Variants in CLDN18 observed in about 807,000 individuals in gnomAD.
CLDN18 encodes claudin-18.
CLDN18 carries 20 observed loss-of-function variants against 25.0 expected under a neutral mutation model. The observed-to-expected ratio is 0.80, with a 90% CI of 0.56 to 1.16. The LOEUF (loss-of-function observed/expected upper bound fraction) is 1.16, where lower values mean the gene tolerates loss of function less well. Ranked by LOEUF, CLDN18 falls within the 50% of genes most tolerant of loss-of-function variation. The pLI, the probability that CLDN18 is intolerant of heterozygous loss-of-function variation, is 0.00. For missense variants in CLDN18, 297 were observed against 345.4 expected (o/e 0.86, Z 1.11); for synonymous variants, 125 against 135.6 (o/e 0.92, Z 0.54).
In CLDN18 at chr3:138,023,663, C is replaced by A; in HGVS notation, c.226C>A (p.Leu76Met). 1 of 1,613,642 alleles carries A rather than the reference C, an allele frequency of 6.2e-7. No homozygotes were observed. Among genetic ancestry groups the A allele is most frequent in the Non-Finnish European group, 8.5e-7 (1 of 1,179,748 alleles). Residue 76 changes from leucine to methionine, a missense_variant, in exon 2 of 5, where the codon CTG becomes ATG. Transcript: ENST00000183605. ...YFTILGLPAM[L>M]QAVRALMIVG... ...TCTTGCCCCTTGTCCCACAGCCATG[C>A]TGCAGGCAGTGCGAGCCCTGATGAT...
chr3:138,021,143 G>A (rs577812293), intron 1 of CLDN18, among the ~76,000 whole-genome samples: 1 of 152,216 alleles, frequency 6.6e-6, no homozygotes, highest in East Asian at 1.9e-4. Flanking sequence ...CTAAAAAGTA[G>A]CAACTGCCTA....
At chr3:138,001,801 T>G (rs910383086) in intron 1 of CLDN18, among the ~76,000 whole-genome samples, 1 of 152,230 alleles carries the variant, frequency 6.6e-6, no homozygotes, top group Non-Finnish European at 1.5e-5. Context: ...GTATACTTAC[T>G]TTAATGTTAT....
chr3:138,001,371 C>T (rs1162711612), intron 1 of CLDN18, among the ~76,000 whole-genome samples: 1 of 118,496 alleles, frequency 8.4e-6, no homozygotes, highest in African/African-American at 3.1e-5. Flanking sequence ...TGTCAATATC[C>T]CCCCATTCTT....
At chr3:138,028,656 AT>A (rs763648673) in intron 3 of CLDN18, among the ~76,000 whole-genome samples, 4 of 152,180 alleles carry the variant, frequency 2.6e-5, no homozygotes, top group Non-Finnish European at 5.9e-5. Flanking sequence ...ACGCACTGAC[AT>A]CCTAATAGTT....
intron 1 of CLDN18, among the ~76,000 whole-genome samples, chr3:138,020,664 G>C (rs979061137): frequency 3.9e-5 from 6 of 152,222 alleles, no homozygotes; most frequent in Non-Finnish European, 7.3e-5. Flanking sequence ...TCTCTCCCAG[G>C]ACTGCTGGAG....
chr3:137,999,899 A>G (rs1941997244), intron 1 of CLDN18, among the ~76,000 whole-genome samples: 1 of 152,230 alleles, frequency 6.6e-6, no homozygotes, highest in Admixed American at 6.5e-5. Context: ...CAGATAAGAG[A>G]GTAAGACAAT....
chr3:138,016,551 T>C (rs1360406202), intron 1 of CLDN18, among the ~76,000 whole-genome samples: 1 of 152,128 alleles, frequency 6.6e-6, no homozygotes, highest in Non-Finnish European at 1.5e-5. Context: ...GGCAAACTCA[T>C]GTCCCTGGCT....
At chr3:138,018,415 CA>C (rs1400144279) in intron 1 of CLDN18, among the ~76,000 whole-genome samples, 2 of 148,128 alleles carry the variant, frequency 1.4e-5, no homozygotes, top group Non-Finnish European at 3.0e-5. Context: ...CGGCTCACTG[CA>C]AGCTCCGCCT....
At chr3:138,009,209 C>A (rs1942101262), upstream of CLDN18, among the ~76,000 whole-genome samples, 1 of 152,154 alleles carries the variant, frequency 6.6e-6, no homozygotes, top group South Asian at 2.1e-4. Flanking sequence ...CCTACAAGGG[C>A]TTAGGAGTTT....
rs144975564 is a variant in CLDN18, at chr3:138,025,873, C to T, written c.503+1149C>T. 6.6e-4 allele frequency among the ~76,000 whole-genome samples: 101 copies of T among 152,300 alleles called. 1 individual carries two copies. Among genetic ancestry groups the T allele is most frequent in the African/African-American group, 2.1e-3 (89 of 41,554 alleles). On this transcript the variant is annotated intron_variant, in intron 3 of 4. Coordinates refer to ENST00000183605, the MANE Select transcript of CLDN18 (RefSeq NM_016369.4). ...GGTGCCTGGGGTCATTGCCCTTGCC[C>T]AGAGGAGCCATCTACCAGCCACTTT...
intron 1 of CLDN18, among the ~76,000 whole-genome samples, chr3:138,015,943 G>A (rs1397323387): frequency 1.3e-5 from 2 of 152,172 alleles, no homozygotes; most frequent in South Asian, 4.1e-4. Context: ...TGAGGTAAAT[G>A]GTGGTGGTAG....
At chr3:138,012,015 G>T (rs1223266777) in intron 1 of CLDN18, among the ~76,000 whole-genome samples, 1 of 152,154 alleles carries the variant, frequency 6.6e-6, no homozygotes, top group Non-Finnish European at 1.5e-5. Context: ...TCCCCAGCAG[G>T]GCTCTGAAGG....
chr3:138,018,516 T>C (rs933053787), intron 1 of CLDN18, among the ~76,000 whole-genome samples: 6 of 151,914 alleles, frequency 3.9e-5, no homozygotes, highest in Non-Finnish European at 8.8e-5. Context: ...TTTTGTATTT[T>C]TAGTAGAGAC....
upstream of CLDN18, chr3:138,010,093 C>A: frequency 7.2e-7 from 1 of 1,398,106 alleles, no homozygotes; most frequent in Non-Finnish European, 9.4e-7. Context: ...AAGGAAAACA[C>A]TGTGAGCAAA....
chr3:138,022,187 G>A (rs1942278565), intron 1 of CLDN18, among the ~76,000 whole-genome samples: 1 of 152,136 alleles, frequency 6.6e-6, no homozygotes, highest in Non-Finnish European at 1.5e-5. Flanking sequence ...AGAGAGACTG[G>A]CCTGATGCTC....
chr3:138,029,733 G>A (rs779035502), intron 3 of CLDN18, 64 bp from the exon 4 acceptor site: 27 of 958,498 alleles, frequency 2.8e-5, no homozygotes, highest in Non-Finnish European at 4.0e-5. Flanking sequence ...GCACAGCCAG[G>A]TGCAGTGGGT....
chr3:138,015,850 A>C (rs1942196794), intron 1 of CLDN18, among the ~76,000 whole-genome samples: 1 of 152,268 alleles, frequency 6.6e-6, no homozygotes, highest in Non-Finnish European at 1.5e-5. Flanking sequence ...AAAATGTATC[A>C]TCATGTCTCT....
upstream of CLDN18, chr3:138,009,942 G>T (rs3755752): frequency 0.38 from 154,327 of 404,144 alleles, 32,455 homozygotes; most frequent in Middle Eastern, 0.53. Flanking sequence ...CTGGCCCGGA[G>T]CAGGGAGTCC....
At chr3:138,014,871 T>C (rs1942186035) in intron 1 of CLDN18, among the ~76,000 whole-genome samples, 1 of 152,080 alleles carries the variant, frequency 6.6e-6, no homozygotes, top group African/African-American at 2.4e-5. Context: ...CTTACCCCTG[T>C]AATCCCATCA....
Sources: gnomAD v4.1 joint callset for allele counts (sites outside exome capture counted in the v4.1 genomes callset) on GRCh38, gnomAD v4.1.1 for gene constraint, MANE v1.5 for transcripts, NCBI Gene and HGNC (gene_info 2026-07-23, HGNC 2026-07-21) for gene names.